DUOX2: variants seen among roughly 807,000 people sequenced by gnomAD.
DUOX2 encodes dual oxidase 2, also known as NADH/NADPH thyroid oxidase p138-tox.
DUOX2 carries 185 observed loss-of-function variants against 183.3 expected under a neutral mutation model. That is an observed-to-expected ratio of 1.01 (90% CI 0.90 to 1.14). DUOX2 has a LOEUF of 1.14. Ranked by LOEUF, DUOX2 falls within the 50% of genes most tolerant of loss-of-function variation. DUOX2 has a pLI of 0.00. For synonymous variants in DUOX2, 788 were observed against 812.4 expected (o/e 0.97, Z 0.51); for missense variants, 1,999 against 2,022.9 (o/e 0.99, Z 0.23).
chr15:45,110,356 C>T, intron 9 of DUOX2, 72 bp downstream of exon 9: 2 of 1,425,640 alleles, frequency 1.4e-6, no homozygotes, highest in East Asian at 2.4e-5. Flanking sequence ...GTGTGAAAGG[C>T]CCCAGCCCCC....
chr15:45,110,781 G>C, intron 7 of DUOX2, 71 bp from the exon 8 acceptor site: 2 of 1,608,946 alleles, frequency 1.2e-6, no homozygotes, highest in South Asian at 2.2e-5. Context: ...CTGAGCCCAA[G>C]GACGGCTTCC....
At chr15:45,108,668 T>A in intron 12 of DUOX2, 121 bp downstream of exon 12, 2 of 1,181,356 alleles carry the variant, frequency 1.7e-6, no homozygotes, top group Non-Finnish European at 2.5e-6. Flanking sequence ...ATGGGGAAAA[T>A]GATTATACAT....
intron 22 of DUOX2, 176 bp downstream of exon 22, chr15:45,101,029 C>A: frequency 1.4e-6 from 1 of 712,562 alleles, no homozygotes. Flanking sequence ...GGGAGAGAGC[C>A]AAGCATCCGA....
rs769450948 is a variant in DUOX2, at chr15:45,101,994, A to C, written c.2655-5T>G. The C allele has an allele frequency of 7.4e-6, 12 of 1,614,052 alleles. No individual in the cohort carries two copies. Among genetic ancestry groups the C allele is most frequent in the Non-Finnish European group, 1.0e-5 (12 of 1,179,990 alleles). ...TTGGAGATCTCGATGAAGGATCTGGAGGAGGACCAGAGACACAGCAGCCTG... is the reference window on the plus strand; with the variant it reads ...TTGGAGATCTCGATGAAGGATCTGGCGGAGGACCAGAGACACAGCAGCCTG... On this transcript the variant is annotated splice_polypyrimidine_tract_variant and splice_region_variant and intron_variant, in intron 20 of 33. Coordinates refer to ENST00000389039, the MANE Select transcript of DUOX2 (RefSeq NM_001363711.2).
chr15:45,110,629 C>T (rs760208130), intron 8 of DUOX2, 21 bp downstream of exon 8: 2 of 1,613,276 alleles, frequency 1.2e-6, no homozygotes, highest in Non-Finnish European at 1.7e-6. Context: ...GCACAGGTGT[C>T]CTCCTTCCCC....
At chr15:45,096,212 G>C (rs1250971169) in intron 29 of DUOX2, 152 bp from the exon 30 acceptor site, 1 of 715,266 alleles carries the variant, frequency 1.4e-6, no homozygotes, top group East Asian at 2.7e-5. Flanking sequence ...GAGTAGGAGG[G>C]TCCCCTTCTC....
chr15:45,109,903 TA>T lies in DUOX2; in HGVS notation c.1117del (p.Tyr373ThrfsTer9). 1 of 1,614,080 alleles carries T rather than the reference TA, an allele frequency of 6.2e-7. No homozygotes were observed. On this transcript the variant is annotated frameshift_variant, in exon 10 of 34. Coordinates refer to ENST00000389039, the MANE Select transcript of DUOX2 (RefSeq NM_001363711.2). LOFTEE classifies it high-confidence loss of function. ...SSQALRVCNNYWIRENPNLNS... is the reference protein window; with the variant it reads ...SSQALRVCNNXWIRENPNLNS... ...CCCCAGTCTGACCTCCCGAATCCAG[TA>T]GTTGTTGCAGACCCTGAGAGCTTGG...
chr15:45,104,298 G>A lies in DUOX2; in HGVS notation c.2402C>T (p.Ala801Val). ...GGCCCTGCTCAGCTCGCAGGTCAGG[G>A]CCTCCCGCACCTTCTGGGAGGAGTC... ...PLDSSQKVRE[A>V]LTCELSRAEF... The change falls in exon 19 of 34, where the codon GCC becomes GTC. Residue 801 changes from alanine (A) to valine (V), a missense_variant. Physicochemically the swap from Ala to Val is moderately conservative, Grantham distance 64. Around this residue, in one of 3 missense-constraint regions of DUOX2, gnomAD observed 1,628 missense variants for 1,608.6 expected, o/e 1.01. Transcript: ENST00000389039. The A allele has an allele frequency of 1.2e-6, 2 of 1,614,112 alleles. No individual in the cohort carries two copies. The highest frequency in any genetic ancestry group is 2.2e-5 in the East Asian group (1 of 44,876).
At chr15:45,094,362 G>T in intron 33 of DUOX2, 90 bp from the exon 34 acceptor site, 1 of 1,594,810 alleles carries the variant, frequency 6.3e-7, no homozygotes, top group Non-Finnish European at 8.6e-7. Context: ...TGGCTGGAAT[G>T]ACTAAGGCTT....
At position 45,095,014 on chromosome 15, in the gene DUOX2, G is replaced by C; in HGVS notation, c.4317C>G (p.Asn1439Lys). The change falls in exon 32 of 34, where the codon AAC becomes AAG. Residue 1439 changes from asparagine to lysine, a missense_variant. By Grantham distance (94) the Asn-to-Lys change is moderately conservative (BLOSUM62 0). This residue lies in a region of DUOX2 where 1,628 missense variants were observed against 1,608.6 expected (regional missense o/e 1.01). Transcript: ENST00000389039. ...LADIIQEVEENDHQDLVSVHI... is the reference protein window; with the variant it reads ...LADIIQEVEEKDHQDLVSVHI... ...GCACAGACACCAGGTCCTGGTGGTC[G>C]TTCTCCTCCACCTCTTGGATGATGT... The C allele has an allele frequency of 6.2e-7, 1 of 1,614,168 alleles. No individual in the cohort carries two copies. The highest frequency in any genetic ancestry group is 2.2e-5 in the East Asian group (1 of 44,882).
chr15:45,104,288 G>T lies in DUOX2; in HGVS notation c.2412C>A (p.Cys804Ter), dbSNP rs376911583. Reference sequence around the variant, plus strand: ...CGGCAAACTCGGCCCTGCTCAGCTCGCAGGTCAGGGCCTCCCGCACCTTCT... The same window carrying T: ...CGGCAAACTCGGCCCTGCTCAGCTCTCAGGTCAGGGCCTCCCGCACCTTCT... ...SSQKVREALT[C>*]ELSRAEFAES... Residue 804 changes from cysteine (C) to a stop codon, truncating the protein, a stop_gained, in exon 19 of 34, where the codon TGC becomes TGA. Transcript: ENST00000389039. LOFTEE classifies it high-confidence loss of function. The T allele has an allele frequency of 1.2e-5, 20 of 1,613,976 alleles. No homozygotes were observed. Among genetic ancestry groups the T allele is most frequent in the Non-Finnish European group, 1.5e-5 (18 of 1,180,020 alleles).
chr15:45,094,083 G>A lies in DUOX2; in HGVS notation c.*67C>T. On this transcript the variant is annotated 3_prime_UTR_variant, in exon 34 of 34. Coordinates refer to ENST00000389039, the MANE Select transcript of DUOX2 (RefSeq NM_001363711.2). Reference sequence around the variant, plus strand: ...ATTCTGATGGAGAGATTGCCAGCAGGGCTGGGCAACTTAGGTGCACAGAAG... The same window carrying A: ...ATTCTGATGGAGAGATTGCCAGCAGAGCTGGGCAACTTAGGTGCACAGAAG... The A allele has an allele frequency of 6.2e-7, 1 of 1,609,772 alleles. No individual in the cohort carries two copies. The highest frequency in any genetic ancestry group is 8.5e-7 in the Non-Finnish European group (1 of 1,176,356).
chr15:45,095,234 T>A (rs1304627233), intron 31 of DUOX2, 143 bp from the exon 32 acceptor site: 4 of 1,413,328 alleles, frequency 2.8e-6, no homozygotes, highest in Non-Finnish European at 3.8e-6. Context: ...GATCCCAGGC[T>A]TCCAACTGAC....
chr15:45,099,411 T>G lies in DUOX2; in HGVS notation c.3487A>C (p.Ile1163Leu). The change falls in exon 26 of 34, where the codon ATA becomes CTA. Residue 1163 changes from isoleucine (I) to leucine (L), a missense_variant. Ile to Leu is a conservative substitution (Grantham distance 5). Around this residue, in one of 3 missense-constraint regions of DUOX2, gnomAD observed 1,628 missense variants for 1,608.6 expected, o/e 1.01. Transcript: ENST00000389039. ...SVSPLSLLAC[I>L]FPNVFVNDGS... ...TCATTCACAAAGACGTTGGGGAATA[T>G]GCAGGCCAGCAGGCTGAGTGGGCTG... The G allele has an allele frequency of 6.2e-7, 1 of 1,614,154 alleles. No homozygotes were observed. Among genetic ancestry groups the G allele is most frequent in the East Asian group, 2.2e-5 (1 of 44,880 alleles).
At position 45,092,789 on chromosome 15, in the gene DUOX2, C is replaced by T. The variant is rs933950518; in HGVS notation, c.*1361G>A. On this transcript the variant is annotated 3_prime_UTR_variant, in exon 34 of 34. Coordinates refer to ENST00000389039, the MANE Select transcript of DUOX2 (RefSeq NM_001363711.2). ...CTACTCAGCAATGAAAAGGAACAAA[C>T]TGCTGATACACACAACAGCATGGAT... The T allele has an allele frequency of 1.3e-5, 2 of 152,184 alleles. No individual in the cohort carries two copies. The highest frequency in any genetic ancestry group is 4.8e-5 in the African/African-American group (2 of 41,432). 9.4% of individuals were successfully genotyped at this position (152,184 alleles called of 1,614,324 possible). A position where few individuals can be genotyped will look rare whatever the true frequency, so the allele number is the denominator to read the frequency against.
intron 31 of DUOX2, 129 bp from the exon 32 acceptor site, chr15:45,095,220 G>T: frequency 7.0e-7 from 1 of 1,429,922 alleles, no homozygotes; most frequent in Non-Finnish European, 9.5e-7. Context: ...GGACCCACCA[G>T]CCTGATCCCA....
At position 45,094,929 on chromosome 15, in the gene DUOX2, G is replaced by T; in HGVS notation, c.4395+7C>A. 1 of 1,613,902 alleles carries T rather than the reference G, an allele frequency of 6.2e-7. No individual in the cohort carries two copies. The highest frequency in any genetic ancestry group is 8.5e-7 in the Non-Finnish European group (1 of 1,179,804). On this transcript the variant is annotated splice_region_variant and intron_variant, in intron 32 of 33. Coordinates refer to ENST00000389039, the MANE Select transcript of DUOX2 (RefSeq NM_001363711.2). ...CAAGTTGCCCTGCCTGGCGGGCCCT[G>T]ACATACTAGCATGGTGGTCCTGAGG...
chr15:45,103,909 C>T (rs1189549132), intron 20 of DUOX2, 51 bp downstream of exon 20: 3 of 1,602,168 alleles, frequency 1.9e-6, no homozygotes, highest in African/African-American at 2.7e-5. Flanking sequence ...ACCTGTTTTC[C>T]TGTTTGAAAC....
chr15:45,109,250 T>A, intron 11 of DUOX2: 2 of 600,084 alleles, frequency 3.3e-6, no homozygotes, highest in Non-Finnish European at 5.9e-6. Context: ...AATGAAAACC[T>A]TTAGAGACCT....
Sources: gnomAD v4.1 joint callset for allele counts on GRCh38, gnomAD v4.1.1 for gene constraint, gnomAD v4.1.1 regional missense constraint, MANE v1.5 for transcripts, NCBI Gene and HGNC (gene_info 2026-07-23, HGNC 2026-07-21) for gene names.